Variants in GNAI3 observed in about 807,000 individuals in gnomAD.
The protein encoded by GNAI3 is guanine nucleotide-binding protein G(i) subunit alpha-3.
A neutral mutation model predicts 41.8 loss-of-function variants in GNAI3; 12 were observed. The observed-to-expected ratio is 0.29, with a 90% confidence interval of 0.18 to 0.47. The LOEUF (loss-of-function observed/expected upper bound fraction) is 0.47, where lower values mean the gene tolerates loss of function less well. GNAI3 is among the 20% of genes least tolerant of loss of function. The pLI is 1.00. For synonymous variants in GNAI3, 132 were observed against 146.5 expected, an observed-to-expected ratio of 0.90 and a Z score of 0.71; for missense variants, 360 against 429.6, an observed-to-expected ratio of 0.84 and a Z score of 1.43.
At position 109,592,126 on chromosome 1, in the gene GNAI3, T is replaced by C; in HGVS notation, c.958T>C (p.Tyr320His). The C allele has an allele frequency of 6.2e-7, 1 of 1,611,604 alleles. No individual in the cohort carries two copies. Among genetic ancestry groups the C allele is most frequent in the Non-Finnish European group, 8.5e-7 (1 of 1,177,650 alleles). The change falls in exon 8 of 9, where the codon TAT becomes CAT. Residue 320 changes from tyrosine to histidine, a missense_variant. By Grantham distance (83) the Tyr-to-His change is moderately conservative. Transcript: ENST00000369851. ...LNRRKDTKEI[Y>H]THFTCATDTK... The stretch of plus-strand genomic sequence containing the variant: ...CAGAAGAAAAGATACCAAGGAGATC[T>C]ATACTCACTTCACCTGTGCCACAGA...
rs193161151 is a variant in GNAI3 at position 109,595,405 on chromosome 1, T to G, written c.*3083T>G. ...AGTTCACAGTGAATCGTTTTTTAAA[T>G]TTTTACTGATGGATCGTTATTTTTC... is the stretch of plus-strand genomic sequence containing the variant. On this transcript the variant is annotated 3_prime_UTR_variant, in exon 9 of 9. Coordinates refer to ENST00000369851, the MANE Select transcript of GNAI3 (RefSeq NM_006496.4). 15 of 152,326 alleles carry G rather than the reference T, an allele frequency of 9.8e-5. No homozygotes were observed. Among genetic ancestry groups the G allele is most frequent in the Admixed American group, 8.5e-4 (13 of 15,312 alleles). 9.4% of individuals were successfully genotyped at this position (152,326 alleles called of 1,614,324 possible).
chr1:109,562,449 G>A (rs1209358577), intron 1 of GNAI3, among the ~76,000 whole-genome samples: 1 of 152,086 alleles, frequency 6.6e-6, no homozygotes. Context: ...ATAAAATTTA[G>A]GGGAACTCAT....
At chr1:109,561,194 T>C (rs1373174766) in intron 1 of GNAI3, among the ~76,000 whole-genome samples, 1 of 152,214 alleles carries the variant, frequency 6.6e-6, no homozygotes, top group African/African-American at 2.4e-5. Context: ...ATTATGTTTG[T>C]AATTAAAATC....
chr1:109,568,510 C>T lies in GNAI3; in HGVS notation c.119-5227C>T, dbSNP rs562737662. 1.3e-4 allele frequency among the ~76,000 whole-genome samples: 20 copies of T among 152,206 alleles called. No homozygotes were observed. The South Asian group carries it at 1.5e-3, about 11-fold the overall frequency. On this transcript the variant is annotated intron_variant, in intron 1 of 8. Coordinates refer to ENST00000369851, the MANE Select transcript of GNAI3 (RefSeq NM_006496.4). ...ACAGTGAGCTGTGATTACGCCACTA[C>T]GCTCCAGCCTGGGTGACAGAGCAAG...
chr1:109,555,351 C>T (rs1269128725), intron 1 of GNAI3, among the ~76,000 whole-genome samples: 1 of 152,138 alleles, frequency 6.6e-6, no homozygotes, highest in African/African-American at 2.4e-5. Context: ...ACTAATGGAA[C>T]AGAATAGAGA....
chr1:109,589,456 C>T (rs1042426080), intron 7 of GNAI3, among the ~76,000 whole-genome samples: 1 of 151,994 alleles, frequency 6.6e-6, no homozygotes, highest in Non-Finnish European at 1.5e-5. Context: ...TACTCTTGAG[C>T]AACGTGGGTT....
intron 4 of GNAI3, among the ~76,000 whole-genome samples, chr1:109,580,739 G>A (rs1354193112): frequency 2.6e-5 from 4 of 152,182 alleles, no homozygotes; most frequent in Non-Finnish European, 5.9e-5. Flanking sequence ...AAAGGGTAAT[G>A]CAATGGCTAT....
At chr1:109,586,386 C>A (rs1405078977) in intron 6 of GNAI3, 41 bp downstream of exon 6, 8 of 1,563,446 alleles carry the variant, frequency 5.1e-6, no homozygotes, top group Non-Finnish European at 7.0e-6. Context: ...CTAATGTAGC[C>A]AGGAAATGGA....
chr1:109,559,191 AAAAAAGAAAAG>A (rs1648244875), intron 1 of GNAI3, among the ~76,000 whole-genome samples: 2 of 152,134 alleles, frequency 1.3e-5, no homozygotes, highest in African/African-American at 4.8e-5. Flanking sequence ...CAAAAGAAAA[AAAAAAGAAAAG>A]AAAAAGAAAA....
chr1:109,583,603 A>T (rs184339452), intron 5 of GNAI3, among the ~76,000 whole-genome samples: 9 of 151,618 alleles, frequency 5.9e-5, no homozygotes, highest in African/African-American at 2.2e-4. Flanking sequence ...TTTTTTTGAG[A>T]TGGAGTCTTG....
intron 1 of GNAI3, among the ~76,000 whole-genome samples, chr1:109,557,020 C>G (rs533598682): frequency 7.9e-4 from 120 of 152,208 alleles, no homozygotes; most frequent in Non-Finnish European, 1.5e-3. Flanking sequence ...ACTGCAACCT[C>G]TGCCTCCCAG....
intron 1 of GNAI3, among the ~76,000 whole-genome samples, chr1:109,570,941 T>C (rs191902217): frequency 6.6e-6 from 1 of 152,324 alleles, no homozygotes; most frequent in African/African-American, 2.4e-5. Context: ...TTTAGGAAGC[T>C]TTTGCAGTGA....
chr1:109,557,272 A>T (rs963681630), intron 1 of GNAI3, among the ~76,000 whole-genome samples: 5 of 152,100 alleles, frequency 3.3e-5, no homozygotes, highest in African/African-American at 1.2e-4. Flanking sequence ...ATTGGATATG[A>T]TATGATCCTC....
intron 3 of GNAI3, among the ~76,000 whole-genome samples, chr1:109,576,881 C>T (rs1352896604): frequency 1.3e-5 from 2 of 151,922 alleles, no homozygotes; most frequent in Non-Finnish European, 2.9e-5. Flanking sequence ...AAGAGCAGGT[C>T]AGTGGAAGAA....
intron 1 of GNAI3, among the ~76,000 whole-genome samples, chr1:109,563,905 A>T (rs192693855): frequency 1.3e-5 from 2 of 152,312 alleles, no homozygotes; most frequent in Admixed American, 1.3e-4. Context: ...AGGTACACAG[A>T]TTTTTTGTTA....
At chr1:109,552,139 G>C (rs927447529) in intron 1 of GNAI3, among the ~76,000 whole-genome samples, 19 of 151,572 alleles carry the variant, frequency 1.3e-4, no homozygotes, top group African/African-American at 2.2e-4. Flanking sequence ...TCTAGCCTGG[G>C]TGACAAAGTG....
At position 109,599,993 on chromosome 1, in the gene GNAI3, C is replaced by G. The variant is rs1202001756; in HGVS notation, c.*7671C>G. The G allele has an allele frequency of 2.0e-5, 3 of 151,978 alleles. No individual in the cohort carries two copies. In the East Asian group the frequency reaches 5.8e-4, roughly 29 times the overall value. 9.4% of individuals were successfully genotyped at this position (151,978 alleles called of 1,614,324 possible). Reference sequence around the variant, plus strand: ...ATCTTGATGAAGATACTCTTCCTTCCTGGGCTTCAGTTTTTGATCTATAAA... The same window carrying G: ...ATCTTGATGAAGATACTCTTCCTTCGTGGGCTTCAGTTTTTGATCTATAAA... On this transcript the variant is annotated 3_prime_UTR_variant, in exon 9 of 9. Transcript: ENST00000369851.
intron 6 of GNAI3, 136 bp downstream of exon 6, chr1:109,586,481 A>G (rs1448136965): frequency 5.5e-6 from 5 of 901,462 alleles, no homozygotes; most frequent in South Asian, 1.7e-5. Context: ...TCTGTGCCCT[A>G]TTACTCTAAA....
chr1:109,588,519 T>C (rs1649091315), intron 7 of GNAI3, among the ~76,000 whole-genome samples: 1 of 152,118 alleles, frequency 6.6e-6, no homozygotes, highest in South Asian at 2.1e-4. Context: ...CAGGGATGGA[T>C]CACTATGAAA....
Sources: allele counts gnomAD v4.1 joint callset (sites outside exome capture counted in the v4.1 genomes callset), GRCh38; gene constraint gnomAD v4.1.1; transcripts MANE v1.5; gene names NCBI Gene and HGNC (gene_info 2026-07-23, HGNC 2026-07-21).